The following PTPRC variants were observed in gnomAD, a reference collection of about 807,000 sequenced individuals.
PTPRC encodes receptor-type tyrosine-protein phosphatase C.
In PTPRC, 44 loss-of-function variants were observed where a neutral mutation model predicts 155.9. The ratio of observed to expected loss-of-function variants is 0.28; its 90% CI spans 0.22 to 0.36. The LOEUF (loss-of-function observed/expected upper bound fraction) is 0.36. Among genes scored for constraint, PTPRC ranks in the 10% least tolerant of loss-of-function variants. The pLI is 1.00. For synonymous variants in PTPRC, 525 were observed against 533.1 expected, an observed-to-expected ratio of 0.98 and a Z score of 0.21; for missense variants, 1,401 against 1,564.6, an observed-to-expected ratio of 0.90 and a Z score of 1.76.
Position 198,749,597 on chromosome 1 carries a change from A to G in PTPRC, c.3072+48A>G, listed in dbSNP as rs769962972. 5 of 1,572,746 alleles carry G rather than the reference A, an allele frequency of 3.2e-6. No individual in the cohort carries two copies. In the East Asian group the frequency reaches 9.1e-5, roughly 29 times the overall value. ...CCCAAGATCCAAACATTTTAAAATA[A>G]TATCTATGTTATTAGGGCCATTCAT... On this transcript the variant is annotated intron_variant, in intron 28 of 32. Coordinates refer to ENST00000442510, the MANE Select transcript of PTPRC (RefSeq NM_002838.5).
At chr1:198,736,058 G>A (rs1410518313) in intron 23 of PTPRC, among the ~76,000 whole-genome samples, 1 of 151,138 alleles carries the variant, frequency 6.6e-6, no homozygotes, top group Non-Finnish European at 1.5e-5. Flanking sequence ...AATTTTTTGG[G>A]GTACATGGTA....
chr1:198,676,757 G>A lies in PTPRC; in HGVS notation c.74-15590G>A, dbSNP rs572740900. On this transcript the variant is annotated intron_variant, in intron 2 of 32. Transcript: ENST00000442510. The stretch of plus-strand genomic sequence containing the variant: ...GGAAGTGCAAAAGGAATACGATAAA[G>A]TGCAGCATTGAATGAGATAAGCATA... 1.5e-4 allele frequency among the ~76,000 whole-genome samples: 23 copies of A among 152,282 alleles called. No homozygotes were observed. The South Asian group carries it at 4.6e-3, about 30-fold the overall frequency.
At chr1:198,717,500 G>A (rs909404507) in intron 13 of PTPRC, among the ~76,000 whole-genome samples, 6 of 152,142 alleles carry the variant, frequency 3.9e-5, no homozygotes, top group African/African-American at 1.4e-4. Context: ...AGACCCTAAC[G>A]GGCACTAGAC....
intron 8 of PTPRC, 148 bp downstream of exon 8, chr1:198,704,646 A>C (rs1331011269): frequency 2.1e-6 from 3 of 1,436,818 alleles, no homozygotes; most frequent in Non-Finnish European, 1.9e-6. Flanking sequence ...AATTAGTAAA[A>C]AATTACTAGC....
Position 198,706,837 on chromosome 1 carries a change from T to C in PTPRC, c.789T>C (p.Asn263=), listed in dbSNP as rs975865108. The change falls in exon 9 of 33, where the codon AAT becomes AAC. Residue 263 remains asparagine, a synonymous_variant. Coordinates refer to ENST00000442510, the MANE Select transcript of PTPRC (RefSeq NM_002838.5). Reference sequence around the variant, plus strand: ...ATGAGAATGTGGAATGTGGAAACAATACTTGCACAAACAATGAGGTGCATA... The same window carrying C: ...ATGAGAATGTGGAATGTGGAAACAACACTTGCACAAACAATGAGGTGCATA... ...NVNENVECGN[N]TCTNNEVHNL... 1.7e-5 allele frequency: 28 copies of C among 1,613,054 alleles called. No homozygotes were observed. The highest frequency in any genetic ancestry group is 2.3e-5 in the Non-Finnish European group (27 of 1,179,212).
At chr1:198,640,476 A>T (rs1018686715) in intron 2 of PTPRC, among the ~76,000 whole-genome samples, 3 of 151,888 alleles carry the variant, frequency 2.0e-5, no homozygotes, top group African/African-American at 7.2e-5. Flanking sequence ...AAACAACATA[A>T]GATTTTTGTT....
At chr1:198,730,342 A>G (rs1244476597) in intron 17 of PTPRC, among the ~76,000 whole-genome samples, 2 of 152,098 alleles carry the variant, frequency 1.3e-5, no homozygotes, top group African/African-American at 2.4e-5. Context: ...ATGTAACACT[A>G]TCTGATCCCT....
chr1:198,652,429 T>G (rs899734868), intron 2 of PTPRC, among the ~76,000 whole-genome samples: 11 of 151,750 alleles, frequency 7.2e-5, no homozygotes, highest in African/African-American at 2.7e-4. Context: ...CATAATTTAC[T>G]CCCAATGCTG....
At chr1:198,736,491 A>C (rs908630948) in intron 23 of PTPRC, among the ~76,000 whole-genome samples, 1 of 151,652 alleles carries the variant, frequency 6.6e-6, no homozygotes, top group Non-Finnish European at 1.5e-5. Context: ...CTCCAGGTCC[A>C]TCCATGTTGT....
chr1:198,752,538 T>A, intron 30 of PTPRC, 56 bp from the exon 31 acceptor site: 1 of 1,565,930 alleles, frequency 6.4e-7, no homozygotes, highest in Non-Finnish European at 8.8e-7. Context: ...GACTATCAAA[T>A]TAGAAAATAA....
At chr1:198,665,223 G>C (rs1383840566) in intron 2 of PTPRC, among the ~76,000 whole-genome samples, 1 of 151,348 alleles carries the variant, frequency 6.6e-6, no homozygotes, top group African/African-American at 2.4e-5. Context: ...CCGAGTAGGG[G>C]GGACTACAGG....
chr1:198,702,417 C>A lies in PTPRC; in HGVS notation c.470C>A (p.Thr157Asn). The stretch of plus-strand genomic sequence containing the variant: ...CCAGGAGAGAGGAGTACAGCCAGCA[C>A]CTTTCCTACAGACCCAGTTTCCCCA... ...DVPGERSTASTFPTDPVSPLT... is the reference protein window; with the variant it reads ...DVPGERSTASNFPTDPVSPLT... Residue 157 changes from threonine to asparagine, a missense_variant, in exon 6 of 33, where the codon ACC becomes AAC. Around this residue, in one of 3 missense-constraint regions of PTPRC, gnomAD observed 867 missense variants for 970.4 expected, o/e 0.89. Transcript: ENST00000442510. 2 of 1,614,184 alleles carry A rather than the reference C, an allele frequency of 1.2e-6. No homozygotes were observed. The highest frequency in any genetic ancestry group is 2.2e-5 in the South Asian group (2 of 91,088).
intron 2 of PTPRC, among the ~76,000 whole-genome samples, chr1:198,661,425 A>G (rs1458633072): frequency 6.6e-6 from 1 of 151,272 alleles, no homozygotes; most frequent in Non-Finnish European, 1.5e-5. Context: ...ACTTTTTTGC[A>G]TTTTTACAAA....
chr1:198,737,007 C>T (rs1473527890), intron 23 of PTPRC, among the ~76,000 whole-genome samples: 1 of 151,634 alleles, frequency 6.6e-6, no homozygotes, highest in Non-Finnish European at 1.5e-5. Flanking sequence ...AATGTCTATT[C>T]AGATCTTTTG....
chr1:198,755,968 A>G lies in PTPRC; in HGVS notation c.3708A>G (p.Val1236=), dbSNP rs372733223. Residue 1236 remains valine (V), a synonymous_variant, in exon 33 of 33, where the codon GTA becomes GTG. Coordinates refer to ENST00000442510, the MANE Select transcript of PTPRC (RefSeq NM_002838.5). The stretch of plus-strand genomic sequence containing the variant: ...CCTACCCTGCTCAGAATGGACAAGT[A>G]AAGAAAAACAACCATCAAGAAGATA... ...ASTYPAQNGQ[V]KKNNHQEDKI... 1.5e-4 allele frequency: 237 copies of G among 1,613,008 alleles called. No homozygotes were observed. The highest frequency in any genetic ancestry group is 1.9e-4 in the Non-Finnish European group (226 of 1,179,406).
chr1:198,679,869 C>T, intron 2 of PTPRC: 1 of 621,508 alleles, frequency 1.6e-6, no homozygotes, highest in Non-Finnish European at 2.9e-6. Context: ...GTTTCCTTGA[C>T]TCAAGATCAT....
intron 2 of PTPRC, among the ~76,000 whole-genome samples, chr1:198,652,094 GA>G (rs1663284380): frequency 6.6e-6 from 1 of 151,642 alleles, no homozygotes; most frequent in Admixed American, 6.6e-5. Flanking sequence ...TGCTTAAGTT[GA>G]AAAAAGGGCG....
At chr1:198,739,109 C>T (rs377577670) in intron 23 of PTPRC, among the ~76,000 whole-genome samples, 48 of 151,334 alleles carry the variant, frequency 3.2e-4, no homozygotes, top group African/African-American at 1.1e-3. Flanking sequence ...TTAAAACAGA[C>T]CACCAGAGAA....
At chr1:198,721,275 T>C (rs1653872653) in intron 14 of PTPRC, among the ~76,000 whole-genome samples, 1 of 152,208 alleles carries the variant, frequency 6.6e-6, no homozygotes. Context: ...ATGAAGTTGA[T>C]TTATTAGTAT....
Sources: gnomAD v4.1 joint callset for allele counts (sites outside exome capture counted in the v4.1 genomes callset) on GRCh38, gnomAD v4.1.1 for gene constraint, gnomAD v4.1.1 regional missense constraint, MANE v1.5 for transcripts, NCBI Gene and HGNC (gene_info 2026-07-23, HGNC 2026-07-21) for gene names.